The following ROBO2 variants were observed in gnomAD, a reference collection of about 807,000 sequenced individuals.
ROBO2 encodes roundabout homolog 2.
ROBO2 carries 53 observed loss-of-function variants against 160.8 expected under a neutral mutation model. The observed-to-expected ratio is 0.33, with a 90% CI of 0.26 to 0.41. The LOEUF (loss-of-function observed/expected upper bound fraction) is 0.41, where lower values mean the gene tolerates loss of function less well. Among genes scored for constraint, ROBO2 ranks in the 10% least tolerant of loss-of-function variants. ROBO2 has a pLI of 1.00. For missense variants in ROBO2, 1,577 were observed against 1,722.4 expected (o/e 0.92, Z 1.49); for synonymous variants, 664 against 611.7 (o/e 1.09, Z -1.26).
chr3:76,246,125 G>T (rs1705603369), intron 2 of ROBO2, among the ~76,000 whole-genome samples: 1 of 149,758 alleles, frequency 6.7e-6, no homozygotes, highest in South Asian at 2.1e-4. Flanking sequence ...TAGTGAAGAA[G>T]TTTTTTTTTT....
intron 2 of ROBO2, among the ~76,000 whole-genome samples, chr3:75,979,490 T>C (rs1033413714): frequency 1.3e-5 from 2 of 151,432 alleles, no homozygotes; most frequent in African/African-American, 4.8e-5. Flanking sequence ...AGTGATTACA[T>C]TGGAAAAATG....
At chr3:76,449,570 C>T (rs17014196) in intron 2 of ROBO2, among the ~76,000 whole-genome samples, 194 of 152,174 alleles carry the variant, frequency 1.3e-3, no homozygotes, top group African/African-American at 4.3e-3. Context: ...AGCTGCTGAA[C>T]GTGCATGGTT....
chr3:76,945,988 T>C (rs1245624320), intron 2 of ROBO2, among the ~76,000 whole-genome samples: 1 of 152,200 alleles, frequency 6.6e-6, no homozygotes, highest in Non-Finnish European at 1.5e-5. Context: ...TTTTAATAGT[T>C]TATTGAATGG....
chr3:77,487,366 A>G (rs1238080336), intron 4 of ROBO2, among the ~76,000 whole-genome samples: 1 of 152,162 alleles, frequency 6.6e-6, no homozygotes, highest in Non-Finnish European at 1.5e-5. Context: ...TGTTATCAGC[A>G]ATAACATGAA....
At chr3:76,890,017 G>A (rs922863175) in intron 2 of ROBO2, among the ~76,000 whole-genome samples, 14 of 152,066 alleles carry the variant, frequency 9.2e-5, no homozygotes, top group African/African-American at 3.4e-4. Flanking sequence ...GTAGTAAAGG[G>A]CCGTTTGTGC....
intron 6 of ROBO2, 33 bp downstream of exon 6, chr3:77,522,935 C>A (rs756831461): frequency 2.5e-5 from 40 of 1,606,670 alleles, no homozygotes; most frequent in South Asian, 5.5e-5. Flanking sequence ...GATAATTGAA[C>A]CAGGAGACTA....
chr3:77,101,456 T>G (rs1206856154), intron 2 of ROBO2, among the ~76,000 whole-genome samples: 1 of 152,146 alleles, frequency 6.6e-6, no homozygotes, highest in African/African-American at 2.4e-5. Context: ...GCTTAAAATA[T>G]CTCAAGTTTC....
chr3:76,327,378 G>A (rs2073114280), intron 2 of ROBO2, among the ~76,000 whole-genome samples: 1 of 151,922 alleles, frequency 6.6e-6, no homozygotes, highest in Non-Finnish European at 1.5e-5. Flanking sequence ...TTTAATACTT[G>A]ATATACATTT....
chr3:77,315,469 C>G (rs2063900596), intron 2 of ROBO2, among the ~76,000 whole-genome samples: 4 of 152,176 alleles, frequency 2.6e-5, no homozygotes, highest in Admixed American at 2.0e-4. Flanking sequence ...TCCTTTGTCT[C>G]TCCTTAACTT....
At chr3:77,214,937 G>T (rs2084716672) in intron 2 of ROBO2, among the ~76,000 whole-genome samples, 1 of 151,338 alleles carries the variant, frequency 6.6e-6, no homozygotes, top group Non-Finnish European at 1.5e-5. Flanking sequence ...TAGAGTGTCT[G>T]CCGAGAGATC....
At chr3:76,521,477 A>C (rs2081616019) in intron 2 of ROBO2, among the ~76,000 whole-genome samples, 1 of 152,208 alleles carries the variant, frequency 6.6e-6, no homozygotes, top group Non-Finnish European at 1.5e-5. Flanking sequence ...GAGGTAGGGC[A>C]GGAATAGGGG....
At chr3:76,771,480 C>T (rs918593516) in intron 2 of ROBO2, among the ~76,000 whole-genome samples, 3 of 150,996 alleles carry the variant, frequency 2.0e-5, no homozygotes, top group African/African-American at 7.3e-5. Context: ...ATATTATTTT[C>T]TCATTTTGAT....
At position 77,322,099 on chromosome 3, in the gene ROBO2, T is replaced by C. The variant is rs533248679; in HGVS notation, c.389-155315T>C. On this transcript the variant is annotated intron_variant, in intron 2 of 25. Transcript: ENST00000461745. ...CCTAAGCAGGCACTGTTTTATACCATAATAAATAATCAAATGAGAGAATAT... is the reference window on the plus strand; with the variant it reads ...CCTAAGCAGGCACTGTTTTATACCACAATAAATAATCAAATGAGAGAATAT... Among the ~76,000 whole-genome samples, 6 of 152,278 alleles carry C rather than the reference T, an allele frequency of 3.9e-5. No individual in the cohort carries two copies. In the East Asian group the frequency reaches 9.7e-4, roughly 25 times the overall value.
chr3:77,649,418 T>C (rs1300423583), exon 26 of ROBO2: 1 of 152,164 alleles, frequency 6.6e-6, no homozygotes, highest in African/African-American at 2.4e-5. Context: ...AACAGTACCA[T>C]TGAACTCTAA....
At chr3:76,616,083 C>T (rs1043326717) in intron 2 of ROBO2, among the ~76,000 whole-genome samples, 1 of 152,122 alleles carries the variant, frequency 6.6e-6, no homozygotes, top group African/African-American at 2.4e-5. Context: ...TATGCTCTGC[C>T]ACACAAACAC....
At chr3:76,519,852 C>T (rs2081513205) in intron 2 of ROBO2, among the ~76,000 whole-genome samples, 1 of 152,144 alleles carries the variant, frequency 6.6e-6, no homozygotes, top group Non-Finnish European at 1.5e-5. Context: ...TTTCCCAGCG[C>T]TCTGATGCAT....
chr3:77,302,326 C>T (rs1480125013), intron 2 of ROBO2, among the ~76,000 whole-genome samples: 1 of 152,054 alleles, frequency 6.6e-6, no homozygotes, highest in Non-Finnish European at 1.5e-5. Flanking sequence ...CTAATGAATA[C>T]ATATAAACTA....
At chr3:76,178,313 C>CTA (rs1186260001) in intron 2 of ROBO2, among the ~76,000 whole-genome samples, 1 of 151,942 alleles carries the variant, frequency 6.6e-6, no homozygotes, top group Non-Finnish European at 1.5e-5. Context: ...TACAGCAATG[C>CTA]TATAGGATAG....
intron 2 of ROBO2, among the ~76,000 whole-genome samples, chr3:76,519,126 G>C (rs935398901): frequency 2.6e-5 from 4 of 152,136 alleles, no homozygotes; most frequent in Admixed American, 6.6e-5. Context: ...AAGGAATGAG[G>C]AACCCAGACA....
Sources: allele counts gnomAD v4.1 joint callset (sites outside exome capture counted in the v4.1 genomes callset), GRCh38; gene constraint gnomAD v4.1.1; transcripts MANE v1.5; gene names NCBI Gene and HGNC (gene_info 2026-07-23, HGNC 2026-07-21).